The following LRIG1 variants were observed in gnomAD, a reference collection of about 807,000 sequenced individuals.
The protein encoded by LRIG1 is leucine rich repeats and immunoglobulin like domains 1, also known as leucine-rich repeats and immunoglobulin-like domains protein 1.
Under a neutral mutation model 99.2 loss-of-function variants are expected in LRIG1, and 48 were observed. The observed-to-expected ratio is 0.48, with a 90% confidence interval of 0.38 to 0.62. The LOEUF (loss-of-function observed/expected upper bound fraction) is 0.62, where lower values mean the gene tolerates loss of function less well. Among genes scored for constraint, LRIG1 ranks in the 20% least tolerant of loss-of-function variants. The pLI is 0.00. For missense variants in LRIG1, 1,646 were observed against 1,434.4 expected (o/e 1.15, Z -2.38); for synonymous variants, 772 against 596.1 (o/e 1.29, Z -4.30).
At chr3:66,452,781 C>T (rs939099791) in intron 2 of LRIG1, among the ~76,000 whole-genome samples, 4 of 152,098 alleles carry the variant, frequency 2.6e-5, no homozygotes, top group African/African-American at 9.7e-5. Context: ...TGAATTATCC[C>T]ATTTGCTTTC....
At chr3:66,472,789 A>G (rs116770308) in intron 1 of LRIG1, among the ~76,000 whole-genome samples, 1,673 of 152,224 alleles carry the variant, frequency 0.011, 36 homozygotes, top group African/African-American at 0.033. Context: ...TAAAACATCA[A>G]AACAAAAAAC....
intron 12 of LRIG1, among the ~76,000 whole-genome samples, chr3:66,390,884 G>C (rs185753496): frequency 9.2e-5 from 14 of 152,258 alleles, no homozygotes; most frequent in Non-Finnish European, 1.5e-4. Flanking sequence ...CCCTCCCTCA[G>C]ACTGGGAGAA....
chr3:66,401,768 C>T (rs1219759498), intron 9 of LRIG1: 4 of 824,008 alleles, frequency 4.9e-6, no homozygotes, highest in African/African-American at 3.5e-5. Flanking sequence ...AGAAGGAACA[C>T]CTGGCCTGAC....
chr3:66,419,523 C>T lies in LRIG1; in HGVS notation c.366-2257G>A, dbSNP rs79994260. ...CAAGGGAGTGCACAAGGTGCCAGGG[C>T]GAATGTCTGAGGGTAGGATGCTGAG... On this transcript the variant is annotated intron_variant, in intron 3 of 18. Coordinates refer to ENST00000273261, the MANE Select transcript of LRIG1 (RefSeq NM_015541.3). 3.5e-3 allele frequency among the ~76,000 whole-genome samples: 534 copies of T among 152,066 alleles called. 1 individual carries two copies. Among genetic ancestry groups the T allele is most frequent in the African/African-American group, 0.012 (512 of 41,482 alleles).
intron 1 of LRIG1, among the ~76,000 whole-genome samples, chr3:66,496,369 T>C (rs2106938970): frequency 6.6e-6 from 1 of 152,330 alleles, no homozygotes; most frequent in East Asian, 1.9e-4. Context: ...CAATTTCATA[T>C]CAGCAAGACT....
chr3:66,424,735 A>G (rs1237204356), intron 3 of LRIG1, among the ~76,000 whole-genome samples: 1 of 152,256 alleles, frequency 6.6e-6, no homozygotes, highest in Non-Finnish European at 1.5e-5. Context: ...ACGATGGTTC[A>G]GCTTAACGAT....
chr3:66,436,698 A>C (rs1434513032), intron 3 of LRIG1, among the ~76,000 whole-genome samples: 1 of 152,148 alleles, frequency 6.6e-6, no homozygotes, highest in Admixed American at 6.5e-5. Flanking sequence ...TGCCTGTGGT[A>C]GCGAAGTCTA....
chr3:66,417,900 T>C (rs972551067), intron 3 of LRIG1, among the ~76,000 whole-genome samples: 9 of 152,260 alleles, frequency 5.9e-5, no homozygotes, highest in African/African-American at 2.2e-4. Flanking sequence ...CTCCCGACTC[T>C]ACCATTAATA....
intron 3 of LRIG1, among the ~76,000 whole-genome samples, chr3:66,422,488 A>G (rs1303057524): frequency 6.6e-6 from 1 of 152,236 alleles, no homozygotes. Flanking sequence ...TTGCTAAAGC[A>G]TAACAAGAGT....
intron 1 of LRIG1, among the ~76,000 whole-genome samples, chr3:66,490,998 G>A (rs180675188): frequency 1.9e-3 from 289 of 152,286 alleles, no homozygotes; most frequent in Non-Finnish European, 2.1e-3. Context: ...TTAAACTATG[G>A]ACTTTTATAA....
At chr3:66,392,500 G>A (rs1021534232) in intron 12 of LRIG1, among the ~76,000 whole-genome samples, 2 of 152,052 alleles carry the variant, frequency 1.3e-5, no homozygotes, top group Non-Finnish European at 2.9e-5. Flanking sequence ...GAGTGCTTAT[G>A]TTTCCGTTTT....
intron 3 of LRIG1, among the ~76,000 whole-genome samples, chr3:66,418,754 C>T (rs1702702949): frequency 6.6e-6 from 1 of 152,194 alleles, no homozygotes; most frequent in African/African-American, 2.4e-5. Flanking sequence ...TCAGTTCCAA[C>T]AGGCATAAAC....
chr3:66,401,135 G>C (rs1428784673), intron 9 of LRIG1, among the ~76,000 whole-genome samples: 2 of 152,208 alleles, frequency 1.3e-5, no homozygotes, highest in Admixed American at 1.3e-4. Flanking sequence ...CTTTCAGGCC[G>C]TCTGCATGAA....
In LRIG1 at chr3:66,399,054, A is replaced by G; in HGVS notation, c.1161-13T>C. The G allele has an allele frequency of 1.2e-6, 2 of 1,610,722 alleles. No individual in the cohort carries two copies. The highest frequency in any genetic ancestry group is 1.7e-6 in the Non-Finnish European group (2 of 1,176,878). On this transcript the variant is annotated splice_polypyrimidine_tract_variant and intron_variant, in intron 9 of 18. Transcript: ENST00000273261. ...TCCAAACAGAGTCCTGTAGTTTCCAAACATCCAGAAATTAAGGCCAGGGAA... is the reference window on the plus strand; with the variant it reads ...TCCAAACAGAGTCCTGTAGTTTCCAGACATCCAGAAATTAAGGCCAGGGAA...
chr3:66,497,802 T>C (rs936143403), intron 1 of LRIG1, among the ~76,000 whole-genome samples: 3 of 139,780 alleles, frequency 2.1e-5, no homozygotes, highest in Non-Finnish European at 3.1e-5. Context: ...CTGCAGTAAA[T>C]CCAGTTCATG....
At position 66,383,212 on chromosome 3, in the gene LRIG1, A is replaced by T. The variant is rs748567340; in HGVS notation, c.2261T>A (p.Val754Glu). ...DNQLLVVQNVVAEDAGRYTCE... is the reference protein window; with the variant it reads ...DNQLLVVQNVEAEDAGRYTCE... Reference sequence around the variant, plus strand: ...GGTATATCGGCCCGCATCCTCTGCCACCACGTTCTGAACCACCAGGAGCTG... The same window carrying T: ...GGTATATCGGCCCGCATCCTCTGCCTCCACGTTCTGAACCACCAGGAGCTG... The change falls in exon 15 of 19, where the codon GTG (valine) becomes GAG (glutamate). Residue 754 changes from valine to glutamate, a missense_variant. Transcript: ENST00000273261. 1.2e-6 allele frequency: 2 copies of T among 1,614,218 alleles called. No homozygotes were observed. Among genetic ancestry groups the T allele is most frequent in the East Asian group, 4.5e-5 (2 of 44,874 alleles).
chr3:66,409,253 G>C (rs1458671849), intron 7 of LRIG1, among the ~76,000 whole-genome samples: 1 of 152,130 alleles, frequency 6.6e-6, no homozygotes, highest in African/African-American at 2.4e-5. Context: ...AAACACAGTA[G>C]ACTAAACTGG....
intron 12 of LRIG1, 106 bp downstream of exon 12, chr3:66,393,934 G>T (rs1399628093): frequency 8.3e-7 from 1 of 1,200,694 alleles, no homozygotes; most frequent in Non-Finnish European, 1.2e-6. Context: ...CTGTAACCAC[G>T]GGCTGGGGTT....
intron 7 of LRIG1, among the ~76,000 whole-genome samples, chr3:66,408,102 T>C (rs1191288939): frequency 6.6e-6 from 1 of 152,170 alleles, no homozygotes; most frequent in Non-Finnish European, 1.5e-5. Context: ...GCACATGCTT[T>C]GCCCGAACCT....
Sources: gnomAD v4.1 joint callset for allele counts (sites outside exome capture counted in the v4.1 genomes callset) on GRCh38, gnomAD v4.1.1 for gene constraint, MANE v1.5 for transcripts, NCBI Gene and HGNC (gene_info 2026-07-23, HGNC 2026-07-21) for gene names.